AXL: variants seen among roughly 807,000 people sequenced by gnomAD.
AXL encodes tyrosine-protein kinase receptor UFO.
In AXL, 52 loss-of-function variants were observed where a neutral mutation model predicts 104.5. The ratio of observed to expected loss-of-function variants is 0.50; its 90% CI spans 0.40 to 0.63. The LOEUF is 0.63. AXL is among the 20% of genes least tolerant of loss of function. The probability of loss-of-function intolerance (pLI) is 0.00; values close to 1 mark genes in which losing one functional copy is unlikely to be tolerated. For missense variants in AXL, 1,024 were observed against 1,188.5 expected (o/e 0.86, Z 2.04); for synonymous variants, 455 against 473.7 (o/e 0.96, Z 0.51).
Position 41,220,741 on chromosome 19 carries a change from C to T in AXL, c.191C>T (p.Pro64Leu), listed in dbSNP as rs995493128. The stretch of plus-strand genomic sequence containing the variant: ...TGTCAGCTCCAGGTTCAGGGAGAGC[C>T]CCCCGAGGTACATTGGCTTCGGGAT... ...LRCQLQVQGE[P>L]PEVHWLRDGQ... Residue 64 changes from proline to leucine, a missense_variant, in exon 2 of 20, where the codon CCC (proline) becomes CTC (leucine). Physicochemically the swap from Pro to Leu is moderately conservative, Grantham distance 98 (BLOSUM62 -3). Around this residue, in one of 5 missense-constraint regions of AXL, gnomAD observed 124 missense variants for 115.5 expected, o/e 1.07. Coordinates refer to ENST00000301178, the MANE Select transcript of AXL (RefSeq NM_021913.5). The T allele has an allele frequency of 6.2e-7, 1 of 1,614,138 alleles. No homozygotes were observed. Among genetic ancestry groups the T allele is most frequent in the Admixed American group, 1.7e-5 (1 of 60,022 alleles).
chr19:41,238,085 G>T lies in AXL; in HGVS notation c.925G>T (p.Val309Leu), dbSNP rs769316836. 1.2e-6 allele frequency: 2 copies of T among 1,613,608 alleles called. No homozygotes were observed. The highest frequency in any genetic ancestry group is 1.7e-6 in the Non-Finnish European group (2 of 1,179,960). ...LHPHTPYHIR[V>L]ACTSSQGPSS... ...TCCTCACACCCCTTATCACATCCGCGTGGCATGCACCAGCAGCCAGGGCCC... is the reference window on the plus strand; with the variant it reads ...TCCTCACACCCCTTATCACATCCGCTTGGCATGCACCAGCAGCCAGGGCCC... Residue 309 changes from valine to leucine, a missense_variant, in exon 7 of 20, where the codon GTG (valine) becomes TTG (leucine). This residue lies in a region of AXL where 332 missense variants were observed against 343.9 expected (regional missense o/e 0.97). Transcript: ENST00000301178.
At chr19:41,240,555 C>T (rs2034164818) in intron 10 of AXL, among the ~76,000 whole-genome samples, 1 of 152,130 alleles carries the variant, frequency 6.6e-6, no homozygotes, top group South Asian at 2.1e-4. Flanking sequence ...AAACATTCCT[C>T]CTACACCCAT....
At position 41,252,982 on chromosome 19, in the gene AXL, A is replaced by C; in HGVS notation, c.1926+15A>C. ...ACCAGCCAGTGGTAAGGGGCGTTTA[A>C]TCATTCAGTCTACAAATATTAACTG... On this transcript the variant is annotated intron_variant, in intron 16 of 19. Transcript: ENST00000301178. 6.2e-7 allele frequency: 1 copy of C among 1,613,726 alleles called. No individual in the cohort carries two copies. The highest frequency in any genetic ancestry group is 8.5e-7 in the Non-Finnish European group (1 of 1,179,768).
intron 15 of AXL, 135 bp downstream of exon 15, chr19:41,252,578 C>T: frequency 9.0e-7 from 1 of 1,108,658 alleles, no homozygotes. Context: ...CAGCAGGCTT[C>T]CCCCTCCTAG....
chr19:41,231,614 A>G (rs550646204), intron 6 of AXL, among the ~76,000 whole-genome samples: 1 of 152,312 alleles, frequency 6.6e-6, no homozygotes, highest in South Asian at 2.1e-4. Flanking sequence ...AAAATGGTAT[A>G]TAGAACATAG....
intron 4 of AXL, among the ~76,000 whole-genome samples, chr19:41,224,989 CTG>C (rs1423725598): frequency 2.6e-5 from 4 of 152,080 alleles, no homozygotes; most frequent in Admixed American, 6.5e-5. Context: ...ATCTACGAAA[CTG>C]TGTTTTTTTG....
rs2033985106 is a variant in AXL, at chr19:41,231,318, T to C, written c.783+20T>C. The C allele has an allele frequency of 6.3e-7, 1 of 1,598,554 alleles. No individual in the cohort carries two copies. ...CTGCAGGTGAGACTCCCAAACTTGGTTCATTTCAGTCTCAGGCCTCCTTCC... is the reference window on the plus strand; with the variant it reads ...CTGCAGGTGAGACTCCCAAACTTGGCTCATTTCAGTCTCAGGCCTCCTTCC... On this transcript the variant is annotated intron_variant, in intron 6 of 19. Coordinates refer to ENST00000301178, the MANE Select transcript of AXL (RefSeq NM_021913.5).
At position 41,222,060 on chromosome 19, in the gene AXL, A is replaced by G. The variant is rs754058549; in HGVS notation, c.586+4A>G. On this transcript the variant is annotated splice_donor_region_variant and intron_variant, in intron 4 of 19. Transcript: ENST00000301178. ...CAGCGCAGCCTGCATGTTCCAGGTG[A>G]GTCCGGGGATGTGGGTCAGCTCCGA... is the stretch of plus-strand genomic sequence containing the variant. 1 of 1,544,400 alleles carries G rather than the reference A, an allele frequency of 6.5e-7. No individual in the cohort carries two copies. The highest frequency in any genetic ancestry group is 8.7e-7 in the Non-Finnish European group (1 of 1,149,824).
intron 14 of AXL, among the ~76,000 whole-genome samples, chr19:41,250,296 T>C (rs893511236): frequency 1.3e-5 from 2 of 152,158 alleles, no homozygotes; most frequent in Non-Finnish European, 1.5e-5. Context: ...AGGAGAAGCA[T>C]AGGGCATTCA....
intron 19 of AXL, 52 bp from the exon 20 acceptor site, chr19:41,259,501 C>G (rs1314084733): frequency 1.2e-5 from 18 of 1,470,546 alleles, no homozygotes; most frequent in African/African-American, 2.8e-5. Context: ...TTCCAGAATG[C>G]ACCCCTTCTG....
At chr19:41,221,635 G>A in intron 3 of AXL, 1 of 546,912 alleles carries the variant, frequency 1.8e-6, no homozygotes, top group Admixed American at 3.5e-5. Context: ...AGGATGAGCT[G>A]TCAGACATTC....
Position 41,236,948 on chromosome 19 carries a change from T to C in AXL, c.784-996T>C, listed in dbSNP as rs537614336. ...AAAACATTATGAGATTTGTTTGTGATTTTTTTTTTTAACGCATCAGCTATC... is the reference window on the plus strand; with the variant it reads ...AAAACATTATGAGATTTGTTTGTGACTTTTTTTTTTAACGCATCAGCTATC... On this transcript the variant is annotated intron_variant, in intron 6 of 19. Coordinates refer to ENST00000301178, the MANE Select transcript of AXL (RefSeq NM_021913.5). Among the ~76,000 whole-genome samples, 44 of 147,990 alleles carry C rather than the reference T, an allele frequency of 3.0e-4. No individual in the cohort carries two copies. The South Asian group carries it at 4.9e-3, about 16-fold the overall frequency.
intron 4 of AXL, among the ~76,000 whole-genome samples, chr19:41,222,677 C>A (rs978346462): frequency 6.6e-6 from 1 of 151,932 alleles, no homozygotes; most frequent in East Asian, 1.9e-4. Context: ...GAGGCTGAGG[C>A]GGGCGGATCA....
At chr19:41,221,319 T>C in intron 3 of AXL, 73 bp downstream of exon 3, 2 of 1,351,028 alleles carry the variant, frequency 1.5e-6, no homozygotes, top group Non-Finnish European at 2.1e-6. Context: ...AAGTCAGGAA[T>C]CCTGAGGGGT....
At chr19:41,251,458 A>G (rs2034359476) in intron 14 of AXL, among the ~76,000 whole-genome samples, 1 of 151,790 alleles carries the variant, frequency 6.6e-6, no homozygotes, top group Non-Finnish European at 1.5e-5. Flanking sequence ...GCTACTCGGG[A>G]GGCTGAGGTA....
chr19:41,230,871 TG>T (rs372457967), intron 4 of AXL, 95 bp from the exon 5 acceptor site: 17 of 1,314,178 alleles, frequency 1.3e-5, no homozygotes, highest in African/African-American at 1.2e-4. Flanking sequence ...GCACTGCCCC[TG>T]GTCAGGCAGG....
chr19:41,233,966 A>G (rs2034037835), intron 6 of AXL, among the ~76,000 whole-genome samples: 1 of 152,040 alleles, frequency 6.6e-6, no homozygotes, highest in Admixed American at 6.6e-5. Context: ...TCCCAGGGAA[A>G]AGAGAAGTGG....
At chr19:41,230,203 G>C (rs1170410843) in intron 4 of AXL, among the ~76,000 whole-genome samples, 2 of 151,604 alleles carry the variant, frequency 1.3e-5, no homozygotes, top group African/African-American at 4.9e-5. Flanking sequence ...TTATATGTGT[G>C]TGTATGAGTA....
At chr19:41,222,417 G>A (rs566751390) in intron 4 of AXL, among the ~76,000 whole-genome samples, 76 of 152,238 alleles carry the variant, frequency 5.0e-4, no homozygotes, top group African/African-American at 1.8e-3. Flanking sequence ...TCGAGTGCGT[G>A]TGGGCCTGGT....
Sources: allele counts gnomAD v4.1 joint callset (sites outside exome capture counted in the v4.1 genomes callset), GRCh38; gene constraint gnomAD v4.1.1; regional missense constraint gnomAD v4.1.1; transcripts MANE v1.5; gene names NCBI Gene and HGNC (gene_info 2026-07-23, HGNC 2026-07-21).